PRKCE: variants seen among roughly 807,000 people sequenced by gnomAD.
The protein encoded by PRKCE is protein kinase C epsilon type.
Under a neutral mutation model 85.4 loss-of-function variants are expected in PRKCE, and 16 were observed. The ratio of observed to expected loss-of-function variants is 0.19; its 90% CI spans 0.13 to 0.28. The LOEUF is 0.28. PRKCE is among the 10% of genes least tolerant of loss of function. The pLI is 1.00. For missense variants in PRKCE, 573 were observed against 975.2 expected (o/e 0.59, Z 5.49); for synonymous variants, 388 against 371.5 (o/e 1.04, Z -0.51).
At chr2:45,792,516 T>C (rs535391071) in intron 1 of PRKCE, among the ~76,000 whole-genome samples, 1 of 152,220 alleles carries the variant, frequency 6.6e-6, no homozygotes, top group Admixed American at 6.5e-5. Flanking sequence ...CCCTTTCCCT[T>C]CTATCAGCTT....
intron 2 of PRKCE, among the ~76,000 whole-genome samples, chr2:45,876,788 G>A (rs1694516778): frequency 6.6e-6 from 1 of 152,162 alleles, no homozygotes; most frequent in Admixed American, 6.5e-5. Flanking sequence ...TTAAAATCCA[G>A]TCTGACAATC....
At chr2:46,122,910 T>C (rs904322443) in intron 11 of PRKCE, among the ~76,000 whole-genome samples, 2 of 138,496 alleles carry the variant, frequency 1.4e-5, no homozygotes, top group African/African-American at 5.6e-5. Flanking sequence ...TTTTTAGCAG[T>C]ACACCAACCA....
intron 10 of PRKCE, among the ~76,000 whole-genome samples, chr2:46,085,075 T>C (rs976375276): frequency 6.6e-6 from 1 of 152,170 alleles, no homozygotes; most frequent in African/African-American, 2.4e-5. Context: ...CAGCAATGGC[T>C]TGTAATTATT....
At chr2:45,956,001 C>A (rs1057240932) in intron 2 of PRKCE, among the ~76,000 whole-genome samples, 4 of 152,230 alleles carry the variant, frequency 2.6e-5, no homozygotes, top group African/African-American at 9.6e-5. Flanking sequence ...GTAACCGCTG[C>A]GGTCTTTTCA....
At chr2:45,864,763 G>A (rs972606754) in intron 2 of PRKCE, among the ~76,000 whole-genome samples, 1 of 152,172 alleles carries the variant, frequency 6.6e-6, no homozygotes, top group Non-Finnish European at 1.5e-5. Context: ...GATGACTTCA[G>A]CTTCTCTTTT....
chr2:45,818,494 G>C (rs1175127376), intron 1 of PRKCE, among the ~76,000 whole-genome samples: 4 of 152,164 alleles, frequency 2.6e-5, no homozygotes, highest in African/African-American at 9.7e-5. Context: ...GACGGGACTT[G>C]GGTGGGCAAG....
At chr2:46,175,280 A>AG (rs1679315139) in intron 14 of PRKCE, among the ~76,000 whole-genome samples, 2 of 152,202 alleles carry the variant, frequency 1.3e-5, no homozygotes, top group African/African-American at 2.4e-5. Flanking sequence ...TTTCATGTGC[A>AG]GGGGAGATAA....
chr2:46,166,055 C>T (rs116584378), intron 14 of PRKCE, among the ~76,000 whole-genome samples: 4,122 of 152,340 alleles, frequency 0.027, 76 homozygotes, highest in Non-Finnish European at 0.038. Context: ...CCTCATGATC[C>T]GTTTCCATCC....
chr2:45,888,671 C>T (rs887764809), intron 2 of PRKCE, among the ~76,000 whole-genome samples: 31 of 152,176 alleles, frequency 2.0e-4, no homozygotes, highest in Admixed American at 3.3e-4. Flanking sequence ...AGGCTGGTTT[C>T]GAACTCCTGG....
At chr2:45,837,105 C>T (rs921177831) in intron 1 of PRKCE, among the ~76,000 whole-genome samples, 5 of 152,164 alleles carry the variant, frequency 3.3e-5, no homozygotes, top group Admixed American at 2.0e-4. Context: ...CTGTGGATCA[C>T]GGGGGGCTGA....
rs1425357514 is a variant in PRKCE, at chr2:45,895,254, G to A, written c.412+52191G>A. Reference sequence around the variant, plus strand: ...TATTTTCTCACTTCTGGCCACTGTCGGTTGTAGAGGTGCCCCTTCAGTACA... The same window carrying A: ...TATTTTCTCACTTCTGGCCACTGTCAGTTGTAGAGGTGCCCCTTCAGTACA... On this transcript the variant is annotated intron_variant, in intron 2 of 14. Transcript: ENST00000306156. The surrounding 1 kb of genome is among the most constrained non-coding windows in gnomAD (Gnocchi z 4.8). Among the ~76,000 whole-genome samples, 9 of 152,160 alleles carry A rather than the reference G, an allele frequency of 5.9e-5. No homozygotes were observed. Among genetic ancestry groups the A allele is most frequent in the Admixed American group, 6.5e-5 (1 of 15,276 alleles).
chr2:46,029,621 A>C (rs956018549), intron 10 of PRKCE, among the ~76,000 whole-genome samples: 22 of 151,974 alleles, frequency 1.4e-4, no homozygotes, highest in Non-Finnish European at 7.4e-5. Flanking sequence ...CAAGAGCTCA[A>C]GCAAGCCTGT....
intron 1 of PRKCE, among the ~76,000 whole-genome samples, chr2:45,691,380 G>A (rs1427274595): frequency 6.6e-6 from 1 of 152,186 alleles, no homozygotes; most frequent in Non-Finnish European, 1.5e-5. Context: ...CCAAGCTGGT[G>A]GACACCAGCA....
intron 1 of PRKCE, among the ~76,000 whole-genome samples, chr2:45,725,692 G>A (rs766730352): frequency 2.0e-5 from 3 of 152,036 alleles, no homozygotes; most frequent in Admixed American, 1.3e-4. Context: ...TTAGCTGGGC[G>A]TGGTGGCACG....
chr2:45,953,565 T>C (rs1700771884), intron 2 of PRKCE, among the ~76,000 whole-genome samples: 1 of 152,208 alleles, frequency 6.6e-6, no homozygotes, highest in South Asian at 2.1e-4. Context: ...AAAACACTCA[T>C]TCAGTGTCAC....
intron 11 of PRKCE, among the ~76,000 whole-genome samples, chr2:46,131,620 C>T (rs1427062637): frequency 6.6e-6 from 1 of 152,174 alleles, no homozygotes; most frequent in African/African-American, 2.4e-5. Context: ...CTAACCTGCT[C>T]CTCAGGGACA....
At chr2:46,019,800 C>G (rs543421335) in intron 10 of PRKCE, among the ~76,000 whole-genome samples, 250 of 150,946 alleles carry the variant, frequency 1.7e-3, no homozygotes, top group Non-Finnish European at 2.9e-3. Flanking sequence ...TATATTTACC[C>G]ATTCTCCTAA....
intron 1 of PRKCE, among the ~76,000 whole-genome samples, chr2:45,668,017 A>G (rs1236972503): frequency 1.3e-5 from 2 of 152,214 alleles, no homozygotes; most frequent in African/African-American, 2.4e-5. Flanking sequence ...TTTGAAATAA[A>G]TAATATAATG....
intron 1 of PRKCE, among the ~76,000 whole-genome samples, chr2:45,767,345 G>A (rs973152403): frequency 6.6e-6 from 1 of 152,144 alleles, no homozygotes; most frequent in Non-Finnish European, 1.5e-5. Flanking sequence ...CTCTTAATGG[G>A]CAATTTTAAG....
Sources: gnomAD v4.1 joint callset for allele counts (sites outside exome capture counted in the v4.1 genomes callset) on GRCh38, gnomAD v4.1.1 for gene constraint, Gnocchi (gnomAD v3.1) non-coding constraint, MANE v1.5 for transcripts, NCBI Gene and HGNC (gene_info 2026-07-23, HGNC 2026-07-21) for gene names.